The following IQSEC1 variants were observed in gnomAD, a reference collection of about 807,000 sequenced individuals.
IQSEC1 encodes the protein IQ motif and SEC7 domain-containing protein 1.
In IQSEC1, 31 loss-of-function variants were observed where a neutral mutation model predicts 91.0. The observed-to-expected ratio is 0.34, with a 90% confidence interval of 0.26 to 0.46. The LOEUF (loss-of-function observed/expected upper bound fraction) is 0.46. Among genes scored for constraint, IQSEC1 ranks in the 20% least tolerant of loss-of-function variants. The probability of loss-of-function intolerance (pLI) is 1.00; values close to 1 mark genes in which losing one functional copy is unlikely to be tolerated. For missense variants in IQSEC1, 1,388 were observed against 1,575.6 expected, an observed-to-expected ratio of 0.88 and a Z score of 2.02; for synonymous variants, 699 against 662.6, an observed-to-expected ratio of 1.05 and a Z score of -0.84.
chr3:13,061,422 G>A (rs770969218), intron 1 of IQSEC1, among the ~76,000 whole-genome samples: 1 of 152,216 alleles, frequency 6.6e-6, no homozygotes, highest in Non-Finnish European at 1.5e-5. Flanking sequence ...AGATAAAATG[G>A]TAAGAATAAG....
At chr3:13,249,781 G>T (rs1456327313) in intron 1 of IQSEC1, among the ~76,000 whole-genome samples, 1 of 152,202 alleles carries the variant, frequency 6.6e-6, no homozygotes, top group Non-Finnish European at 1.5e-5. Context: ...CTCCAAGGAA[G>T]CACAGAGGAG....
At position 12,899,722 on chromosome 3, in the gene IQSEC1, A is replaced by G. The variant is rs1034796988; in HGVS notation, c.*1261T>C. 2.0e-6 allele frequency: 2 copies of G among 985,262 alleles called. No homozygotes were observed. The highest frequency in any genetic ancestry group is 3.5e-5 in the African/African-American group (2 of 57,196). The allele number at this position is 985,262 out of a possible 1,614,324, so 61.0% of individuals were successfully genotyped here. On this transcript the variant is annotated 3_prime_UTR_variant, in exon 14 of 14. Transcript: ENST00000613206. ...ACTCAGAAAACAAAACGGGAAACAC[A>G]CACACCGCCCTGGGTTGCTAAACGC...
intron 1 of IQSEC1, among the ~76,000 whole-genome samples, chr3:12,952,523 C>T (rs558122829): frequency 6.6e-6 from 1 of 152,316 alleles, no homozygotes; most frequent in South Asian, 2.1e-4. Flanking sequence ...CCACCCCACC[C>T]CGCCCCTCTC....
intron 1 of IQSEC1, among the ~76,000 whole-genome samples, chr3:13,176,904 G>C (rs1693740910): frequency 6.6e-6 from 1 of 152,244 alleles, no homozygotes; most frequent in Non-Finnish European, 1.5e-5. Context: ...AAGGAATGAA[G>C]TACTGATACA....
At chr3:13,078,116 G>C (rs1458603928), upstream of IQSEC1, among the ~76,000 whole-genome samples, 1 of 152,194 alleles carries the variant, frequency 6.6e-6, no homozygotes, top group East Asian at 1.9e-4. Flanking sequence ...GCTGGCTGGA[G>C]GAAGGGGGCG....
chr3:13,084,994 A>T (rs1015412258), intron 2 of IQSEC1, among the ~76,000 whole-genome samples: 4 of 152,186 alleles, frequency 2.6e-5, no homozygotes, highest in Non-Finnish European at 4.4e-5. Context: ...CTAGCCCCCA[A>T]GTCCTTGGGT....
chr3:13,067,091 C>T (rs531644653), intron 1 of IQSEC1, among the ~76,000 whole-genome samples: 1 of 152,326 alleles, frequency 6.6e-6, no homozygotes, highest in East Asian at 1.9e-4. Context: ...GAGGCAGGGA[C>T]AGAGCTGGAG....
At chr3:13,141,148 TGAG>T (rs1296034862) in intron 2 of IQSEC1, among the ~76,000 whole-genome samples, 2 of 152,166 alleles carry the variant, frequency 1.3e-5, no homozygotes, top group Non-Finnish European at 2.9e-5. Flanking sequence ...CTGGTCCTAG[TGAG>T]GAGAACAACA....
chr3:12,986,052 A>G (rs1701717136), intron 1 of IQSEC1, among the ~76,000 whole-genome samples: 1 of 152,056 alleles, frequency 6.6e-6, no homozygotes, highest in African/African-American at 2.4e-5. Flanking sequence ...TTACCATCTC[A>G]TTTCAGCCTG....
intron 1 of IQSEC1, among the ~76,000 whole-genome samples, chr3:13,020,171 G>T (rs753294683): frequency 1.3e-5 from 2 of 152,186 alleles, no homozygotes; most frequent in Non-Finnish European, 2.9e-5. Context: ...AGCACACGGA[G>T]AGCTCACCAA....
chr3:13,196,094 C>T (rs1244310926), intron 1 of IQSEC1, among the ~76,000 whole-genome samples: 6 of 152,196 alleles, frequency 3.9e-5, no homozygotes, highest in African/African-American at 1.4e-4. Context: ...TGTCCCCTCC[C>T]TCTTCTCTTT....
intron 1 of IQSEC1, among the ~76,000 whole-genome samples, chr3:13,276,483 C>T (rs1488616724): frequency 5.9e-5 from 9 of 152,156 alleles, no homozygotes; most frequent in Admixed American, 1.3e-4. Flanking sequence ...TCTCCCTGCA[C>T]GGAAGTGGCC....
At chr3:13,071,892 G>A (rs753831954) in intron 1 of IQSEC1, among the ~76,000 whole-genome samples, 1 of 150,744 alleles carries the variant, frequency 6.6e-6, no homozygotes, top group Non-Finnish European at 1.5e-5. Context: ...GCCATCCCCC[G>A]TGGGTTGCCG....
intron 2 of IQSEC1, among the ~76,000 whole-genome samples, chr3:13,124,783 C>G (rs983085237): frequency 6.6e-6 from 1 of 150,516 alleles, no homozygotes; most frequent in East Asian, 1.9e-4. Flanking sequence ...GGATCCCCCC[C>G]AGACTGTCCT....
intron 1 of IQSEC1, among the ~76,000 whole-genome samples, chr3:13,179,813 C>T (rs191274139): frequency 3.6e-4 from 55 of 152,346 alleles, no homozygotes; most frequent in Middle Eastern, 3.4e-3. Context: ...GCGCGAGTTC[C>T]GGGTGGGCAT....
intron 2 of IQSEC1, among the ~76,000 whole-genome samples, chr3:13,153,211 G>C (rs358353): frequency 0.32 from 48,853 of 151,814 alleles, 8,307 homozygotes; most frequent in East Asian, 0.53. Flanking sequence ...TCAGCCCAGA[G>C]CCCCTGTGCC....
At chr3:12,946,096 G>C (rs1348878883) in intron 1 of IQSEC1, among the ~76,000 whole-genome samples, 1 of 152,216 alleles carries the variant, frequency 6.6e-6, no homozygotes, top group Non-Finnish European at 1.5e-5. Flanking sequence ...CTTAGTGACA[G>C]AGCTTGGCTA....
intron 1 of IQSEC1, among the ~76,000 whole-genome samples, chr3:13,197,350 T>C (rs1694153716): frequency 6.6e-6 from 1 of 151,812 alleles, no homozygotes; most frequent in African/African-American, 2.4e-5. Flanking sequence ...CGCTGGAGGG[T>C]GGGGTGCTCC....
intron 2 of IQSEC1, among the ~76,000 whole-genome samples, chr3:13,094,888 T>C (rs1186814532): frequency 6.6e-6 from 1 of 152,148 alleles, no homozygotes; most frequent in African/African-American, 2.4e-5. Flanking sequence ...GGGATACATT[T>C]CGATGGACCA....
Sources: gnomAD v4.1 joint callset for allele counts (sites outside exome capture counted in the v4.1 genomes callset) on GRCh38, gnomAD v4.1.1 for gene constraint, MANE v1.5 for transcripts, NCBI Gene and HGNC (gene_info 2026-07-23, HGNC 2026-07-21) for gene names.